DENND1A: variants seen among roughly 807,000 people sequenced by gnomAD.
DENND1A encodes the protein DENN domain containing 1A, also known as DENN domain-containing protein 1A.
A neutral mutation model predicts 113.7 loss-of-function variants in DENND1A; 51 were observed. That is an observed-to-expected ratio of 0.45 (90% CI 0.36 to 0.57). DENND1A has a LOEUF of 0.57. Among genes scored for constraint, DENND1A ranks in the 20% least tolerant of loss-of-function variants. The pLI, the probability that DENND1A is intolerant of heterozygous loss-of-function variation, is 0.00. For missense variants in DENND1A, 1,258 were observed against 1,395.9 expected (o/e 0.90, Z 1.57); for synonymous variants, 565 against 570.8 (o/e 0.99, Z 0.14).
At chr9:123,844,182 C>G (rs1294432890) in intron 2 of DENND1A, among the ~76,000 whole-genome samples, 4 of 152,018 alleles carry the variant, frequency 2.6e-5, no homozygotes, top group Non-Finnish European at 5.9e-5. Context: ...TCATTTCTGC[C>G]ACTTCTATTC....
At chr9:123,784,148 T>C (rs1011757315) in intron 3 of DENND1A, among the ~76,000 whole-genome samples, 1 of 152,104 alleles carries the variant, frequency 6.6e-6, no homozygotes, top group Admixed American at 6.6e-5. Context: ...GTCTGGGCTG[T>C]AAGGGGAGGC....
chr9:123,429,779 G>C (rs948852102), intron 19 of DENND1A, among the ~76,000 whole-genome samples: 1 of 152,164 alleles, frequency 6.6e-6, no homozygotes, highest in East Asian at 1.9e-4. Context: ...TCAGGACATA[G>C]GTATGGGCAA....
chr9:123,876,174 A>C (rs1247463349), intron 2 of DENND1A, among the ~76,000 whole-genome samples: 2 of 152,340 alleles, frequency 1.3e-5, no homozygotes, highest in South Asian at 4.1e-4. Flanking sequence ...CAAATCCAGG[A>C]ACTTTCTACA....
chr9:123,564,977 C>CTTAT (rs761904143), intron 12 of DENND1A, among the ~76,000 whole-genome samples: 2 of 115,958 alleles, frequency 1.7e-5, no homozygotes, highest in East Asian at 2.2e-4. Context: ...ATGTCTGTCC[C>CTTAT]TTCTTTTTTT....
chr9:123,446,338 T>C (rs1422860340), intron 18 of DENND1A, among the ~76,000 whole-genome samples: 1 of 152,208 alleles, frequency 6.6e-6, no homozygotes, highest in African/African-American at 2.4e-5. Flanking sequence ...CAGCGTATTT[T>C]AATGTGTCGG....
At chr9:123,675,947 A>T (rs1423995640) in intron 6 of DENND1A, among the ~76,000 whole-genome samples, 2 of 152,260 alleles carry the variant, frequency 1.3e-5, no homozygotes, top group Admixed American at 1.3e-4. Flanking sequence ...TACACTTCTC[A>T]TAACAGTAGA....
At chr9:123,427,175 C>G (rs1324669409) in intron 19 of DENND1A, among the ~76,000 whole-genome samples, 1 of 152,344 alleles carries the variant, frequency 6.6e-6, no homozygotes, top group East Asian at 1.9e-4. Flanking sequence ...CACACAAGCA[C>G]AAATCTGGGC....
chr9:123,454,743 A>G lies in DENND1A; in HGVS notation c.1223T>C (p.Val408Ala). 1 of 1,554,818 alleles carries G rather than the reference A, an allele frequency of 6.4e-7. No individual in the cohort carries two copies. Among genetic ancestry groups the G allele is most frequent in the Non-Finnish European group, 8.7e-7 (1 of 1,148,426 alleles). Reference protein sequence around the residue: ...DKLYHQWLSTVRKGSGAILNT... With the variant: ...DKLYHQWLSTARKGSGAILNT... ...CTGAATTGGGTGCATGCTTACCCGG[A>G]CAGTGGAGAGCCACTGATGGTACAG... is the stretch of plus-strand genomic sequence containing the variant. Residue 408 changes from valine (V) to alanine (A), a missense_variant, in exon 16 of 24, where the codon GTC (valine) becomes GCC (alanine). By Grantham distance (64) the Val-to-Ala change is moderately conservative. Transcript: ENST00000394215.
intron 1 of DENND1A, among the ~76,000 whole-genome samples, chr9:123,884,421 T>A (rs1324577407): frequency 6.6e-6 from 1 of 152,166 alleles, no homozygotes; most frequent in East Asian, 1.9e-4. Context: ...GATATTACCA[T>A]GGAAATGTCC....
chr9:123,766,816 T>G (rs911542901), intron 4 of DENND1A, among the ~76,000 whole-genome samples: 2 of 152,192 alleles, frequency 1.3e-5, no homozygotes, highest in Non-Finnish European at 2.9e-5. Flanking sequence ...AAGTCCTAGT[T>G]TGAAAAAGAA....
chr9:123,686,688 T>A (rs1015733407), intron 5 of DENND1A, among the ~76,000 whole-genome samples: 1 of 152,222 alleles, frequency 6.6e-6, no homozygotes, highest in Non-Finnish European at 1.5e-5. Context: ...TTTCCAGTGT[T>A]TCGTGTCAAG....
intron 13 of DENND1A, among the ~76,000 whole-genome samples, chr9:123,538,255 G>A (rs1477441631): frequency 6.6e-6 from 1 of 152,106 alleles, no homozygotes; most frequent in African/African-American, 2.4e-5. Flanking sequence ...TAGAGAAGAG[G>A]TTAAGTAAAA....
intron 1 of DENND1A, among the ~76,000 whole-genome samples, chr9:123,900,947 C>T (rs192951460): frequency 6.6e-6 from 1 of 152,284 alleles, no homozygotes; most frequent in Admixed American, 6.5e-5. Flanking sequence ...TTTAACAAGA[C>T]AACAAATATA....
At chr9:123,401,696 G>A in intron 21 of DENND1A, 1 of 1,539,506 alleles carries the variant, frequency 6.5e-7, no homozygotes, top group Non-Finnish European at 8.8e-7. Context: ...AACTAAAAGT[G>A]ATACTGACAC....
chr9:123,854,631 G>T (rs1459006571), intron 2 of DENND1A, among the ~76,000 whole-genome samples: 1 of 151,758 alleles, frequency 6.6e-6, no homozygotes, highest in East Asian at 1.9e-4. Context: ...GGACGCAGAG[G>T]GTGCAGTGAG....
At chr9:123,902,393 T>C (rs1030076017) in intron 1 of DENND1A, among the ~76,000 whole-genome samples, 2 of 152,216 alleles carry the variant, frequency 1.3e-5, no homozygotes, top group African/African-American at 4.8e-5. Flanking sequence ...AATAAAGTTC[T>C]ACCTTCGTGG....
chr9:123,471,794 G>A (rs1246696650), intron 13 of DENND1A, among the ~76,000 whole-genome samples: 2 of 152,156 alleles, frequency 1.3e-5, no homozygotes, highest in Non-Finnish European at 1.5e-5. Context: ...CGACACCCCC[G>A]AGCTCTGAGC....
intron 12 of DENND1A, among the ~76,000 whole-genome samples, chr9:123,566,936 C>CACACACAA (rs2058086809): frequency 6.6e-6 from 1 of 151,820 alleles, no homozygotes; most frequent in African/African-American, 2.4e-5. Context: ...CACACACACA[C>CACACACAA]ACACAAACAC....
At chr9:123,784,430 G>A (rs1015226131) in intron 3 of DENND1A, among the ~76,000 whole-genome samples, 1 of 152,294 alleles carries the variant, frequency 6.6e-6, no homozygotes, top group South Asian at 2.1e-4. Flanking sequence ...CAGAAGAATA[G>A]GACAGACTAG....
Sources: gnomAD v4.1 joint callset for allele counts (sites outside exome capture counted in the v4.1 genomes callset) on GRCh38, gnomAD v4.1.1 for gene constraint, MANE v1.5 for transcripts, NCBI Gene and HGNC (gene_info 2026-07-23, HGNC 2026-07-21) for gene names.